The following ANPEP variants were observed in gnomAD, a reference collection of about 807,000 sequenced individuals.
ANPEP encodes aminopeptidase N.
A neutral mutation model predicts 114.6 loss-of-function variants in ANPEP; 70 were observed. The ratio of observed to expected loss-of-function variants is 0.61; its 90% CI spans 0.50 to 0.75. The LOEUF (loss-of-function observed/expected upper bound fraction) is 0.75, where lower values mean the gene tolerates loss of function less well. Ranked by LOEUF, ANPEP falls within the 30% of genes least tolerant of loss-of-function variation. The pLI, the probability that ANPEP is intolerant of heterozygous loss-of-function variation, is 0.00. For synonymous variants in ANPEP, 548 were observed against 522.3 expected (o/e 1.05, Z -0.67); for missense variants, 1,184 against 1,259.5 (o/e 0.94, Z 0.91).
chr15:89,801,712 A>G, intron 10 of ANPEP, 105 bp from the exon 11 acceptor site: 1 of 1,356,838 alleles, frequency 7.4e-7, no homozygotes, highest in Non-Finnish European at 1.0e-6. Flanking sequence ...GGCCACTTGT[A>G]TGGGAGGCCT....
chr15:89,804,817 G>T, intron 4 of ANPEP, 200 bp from the exon 5 acceptor site: 1 of 849,580 alleles, frequency 1.2e-6, no homozygotes, highest in Non-Finnish European at 1.8e-6. Flanking sequence ...AAGGGCCTTT[G>T]GAGAATAACA....
intron 19 of ANPEP, 58 bp downstream of exon 19, chr15:89,790,894 AC>A (rs1434590611): frequency 3.1e-6 from 5 of 1,589,894 alleles, no homozygotes; most frequent in Middle Eastern, 1.7e-4. Flanking sequence ...CGCACAGGCC[AC>A]CCCCCGGGGC....
At chr15:89,812,579 G>A (rs1299253357) in intron 1 of ANPEP, among the ~76,000 whole-genome samples, 1 of 152,116 alleles carries the variant, frequency 6.6e-6, no homozygotes, top group Non-Finnish European at 1.5e-5. Context: ...ATTTGTGGGT[G>A]GGGGAAGTAC....
chr15:89,792,479 T>A lies in ANPEP; in HGVS notation c.2333A>T (p.Gln778Leu). Reference sequence around the variant, plus strand: ...GTTATTATTGGGGTTCTCCATCCACTGCTTGAAAAGGCCAGAGACCATCTC... The same window carrying A: ...GTTATTATTGGGGTTCTCCATCCACAGCTTGAAAAGGCCAGAGACCATCTC... The part of the protein sequence containing the change: ...CEEMVSGLFK[Q>L]WMENPNNNPI... Residue 778 changes from glutamine (Q) to leucine (L), a missense_variant, in exon 17 of 21, where the codon CAG becomes CTG. Physicochemically the swap from Gln to Leu is moderately radical, Grantham distance 113 (BLOSUM62 -2). Transcript: ENST00000300060. The A allele has an allele frequency of 6.2e-7, 1 of 1,614,144 alleles. No homozygotes were observed. Among genetic ancestry groups the A allele is most frequent in the South Asian group, 1.1e-5 (1 of 91,078 alleles).
chr15:89,801,720 C>T, intron 10 of ANPEP, 113 bp from the exon 11 acceptor site: 3 of 1,279,472 alleles, frequency 2.3e-6, no homozygotes, highest in East Asian at 2.5e-5. Flanking sequence ...GTATGGGAGG[C>T]CTGGGAAGGG....
In ANPEP at chr15:89,801,481, A is replaced by G. The variant is rs1215246402; in HGVS notation, c.1696T>C (p.Phe566Leu). ...TSTGTLSQEH[F>L]LLDPDSNVTR... ...ACATTGGAATCGGGGTCAAGGAGGA[A>G]GTGCTCCTGGGAAAGGGTCCCCGTG... Residue 566 changes from phenylalanine (F) to leucine (L), a missense_variant, in exon 11 of 21, where the codon TTC becomes CTC. Phe to Leu is a conservative substitution (Grantham distance 22, BLOSUM62 0). Coordinates refer to ENST00000300060, the MANE Select transcript of ANPEP (RefSeq NM_001150.3). 1 of 1,614,192 alleles carries G rather than the reference A, an allele frequency of 6.2e-7. No homozygotes were observed. Among genetic ancestry groups the G allele is most frequent in the Non-Finnish European group, 8.5e-7 (1 of 1,180,006 alleles).
At chr15:89,794,047 G>A (rs899576325) in intron 15 of ANPEP, among the ~76,000 whole-genome samples, 4 of 152,160 alleles carry the variant, frequency 2.6e-5, no homozygotes, top group African/African-American at 4.8e-5. Flanking sequence ...AGGCAACAGC[G>A]GATGCAAGGT....
At chr15:89,802,462 C>G (rs1285257700) in intron 10 of ANPEP, 1 of 152,710 alleles carries the variant, frequency 6.5e-6, no homozygotes, top group African/African-American at 2.4e-5. Flanking sequence ...TGAGACAGGC[C>G]TGGACTGGAA....
Position 89,805,203 on chromosome 15 carries a change from G to T in ANPEP, c.772C>A (p.Leu258Ile), listed in dbSNP as rs146926671. The T allele has an allele frequency of 1.9e-3, 3,110 of 1,614,230 alleles. 5 individuals carry two copies. Among genetic ancestry groups the T allele is most frequent in the South Asian group, 3.5e-3 (319 of 91,088 alleles). The change falls in exon 4 of 21, where the codon CTT (leucine) becomes ATT (isoleucine). Residue 258 changes from leucine (L) to isoleucine (I), a missense_variant. Transcript: ENST00000300060. ...ACATTCCAGTTGGGGTCTTCTGGAA[G>T]TGGGGTGCTGGGACCTGGGCAGGGA... Reference protein sequence around the residue: ...NMLPKGPSTPLPEDPNWNVTE... With the variant: ...NMLPKGPSTPIPEDPNWNVTE...
Position 89,785,266 on chromosome 15 carries a change from G to A in ANPEP, c.*83C>T, listed in dbSNP as rs535555189. 1.2e-5 allele frequency: 19 copies of A among 1,554,646 alleles called. No individual in the cohort carries two copies. Among genetic ancestry groups the A allele is most frequent in the Non-Finnish European group, 1.6e-5 (18 of 1,135,964 alleles). On this transcript the variant is annotated 3_prime_UTR_variant, in exon 21 of 21. Transcript: ENST00000300060. ...GAGGACACTGGTGCCTCGGGCTCCA[G>A]GAATGGAGGCCCTGCACCAGCCGCT...
Position 89,806,038 on chromosome 15 carries a change from G to C in ANPEP, c.546C>G (p.Phe182Leu). 1 of 1,612,044 alleles carries C rather than the reference G, an allele frequency of 6.2e-7. No individual in the cohort carries two copies. The highest frequency in any genetic ancestry group is 2.2e-5 in the East Asian group (1 of 44,806). ...CCAGGTCATCTGCCAACTCCCCCTC[G>C]AACTCGCTGTCCATCTCATACTGGC... ...KDSQYEMDSEFEGELADDLAG... is the reference protein window; with the variant it reads ...KDSQYEMDSELEGELADDLAG... Residue 182 changes from phenylalanine to leucine, a missense_variant, in exon 2 of 21, where the codon TTC (phenylalanine) becomes TTG (leucine). Transcript: ENST00000300060. The surrounding 1 kb of genome is among the most constrained non-coding windows in gnomAD (Gnocchi z 5.7).
At chr15:89,810,351 C>A (rs907911416) in intron 1 of ANPEP, among the ~76,000 whole-genome samples, 1 of 151,880 alleles carries the variant, frequency 6.6e-6, no homozygotes, top group Non-Finnish European at 1.5e-5. Context: ...TGTACTCCAG[C>A]CTGGGGGACG....
Position 89,799,692 on chromosome 15 carries a change from G to A in ANPEP, c.1820-133C>T. The A allele has an allele frequency of 2.3e-6, 3 of 1,311,444 alleles. No individual in the cohort carries two copies. Among genetic ancestry groups the A allele is most frequent in the Non-Finnish European group, 3.2e-6 (3 of 948,058 alleles). The allele number at this position is 1,311,444 out of a possible 1,614,324, so 81.2% of individuals were successfully genotyped here. ...AAGCTGCTGGGGAGACGCTAAGGGT[G>A]GGGAAGGAAGGGATGAGGAACTGGG... On this transcript the variant is annotated intron_variant, in intron 12 of 20. Transcript: ENST00000300060. The surrounding 1 kb of genome is among the most constrained non-coding windows in gnomAD (Gnocchi z 4.2).
chr15:89,785,333 C>T lies in ANPEP; in HGVS notation c.*16G>A. The T allele has an allele frequency of 6.2e-7, 1 of 1,614,060 alleles. No homozygotes were observed. ...GGCACCTTGCATGGGGGCCGGGTGA[C>T]TTCAAGGGCTGGGGACTATTTGCTG... On this transcript the variant is annotated 3_prime_UTR_variant, in exon 21 of 21. Coordinates refer to ENST00000300060, the MANE Select transcript of ANPEP (RefSeq NM_001150.3).
chr15:89,794,261 A>G (rs113452808), intron 15 of ANPEP, among the ~76,000 whole-genome samples: 3,469 of 152,190 alleles, frequency 0.023, 135 homozygotes, highest in African/African-American at 0.08. Flanking sequence ...AGGCGGGCGG[A>G]TCACCTGAGG....
Position 89,792,335 on chromosome 15 carries a change from G to C in ANPEP, c.2361-8C>G, listed in dbSNP as rs151324184. The C allele has an allele frequency of 3.3e-4, 531 of 1,614,044 alleles. 7 individuals carry two copies. The South Asian group carries it at 4.8e-3, about 15-fold the overall frequency. ...CGCAGGTTGGGGTGGATCCTGGTGT[G>C]GGGTAGGGAGGTCAGGTGTGGAACA... is the stretch of plus-strand genomic sequence containing the variant. On this transcript the variant is annotated splice_polypyrimidine_tract_variant and splice_region_variant and intron_variant, in intron 17 of 20. Coordinates refer to ENST00000300060, the MANE Select transcript of ANPEP (RefSeq NM_001150.3).
chr15:89,808,056 A>G (rs1031095184), intron 1 of ANPEP, among the ~76,000 whole-genome samples: 11 of 152,148 alleles, frequency 7.2e-5, no homozygotes, highest in African/African-American at 2.7e-4. Flanking sequence ...CTGCTAAAAA[A>G]AACCTTCCTT....
chr15:89,804,984 A>G, intron 4 of ANPEP, 94 bp downstream of exon 4: 1 of 1,560,840 alleles, frequency 6.4e-7, no homozygotes, highest in South Asian at 1.2e-5. Flanking sequence ...CCCTGGCCTA[A>G]CAATTCAGAA....
intron 15 of ANPEP, among the ~76,000 whole-genome samples, chr15:89,795,796 G>C (rs1462498451): frequency 6.6e-6 from 1 of 152,176 alleles, no homozygotes; most frequent in Non-Finnish European, 1.5e-5. Flanking sequence ...TCCCCTATGA[G>C]AGGGGAAAAA....
Sources: allele counts gnomAD v4.1 joint callset (sites outside exome capture counted in the v4.1 genomes callset), GRCh38; gene constraint gnomAD v4.1.1; non-coding constraint Gnocchi (gnomAD v3.1); transcripts MANE v1.5; gene names NCBI Gene and HGNC (gene_info 2026-07-23, HGNC 2026-07-21).